The following N4BP2 variants were observed in gnomAD, a reference collection of about 807,000 sequenced individuals.
N4BP2 encodes the protein NEDD4-binding protein 2.
A neutral mutation model predicts 152.8 loss-of-function variants in N4BP2; 91 were observed. The ratio of observed to expected loss-of-function variants is 0.60; its 90% CI spans 0.50 to 0.71. N4BP2 has a LOEUF of 0.71. Among genes scored for constraint, N4BP2 ranks in the 30% least tolerant of loss-of-function variants. N4BP2 has a pLI of 0.00. For missense variants in N4BP2, 1,923 were observed against 2,059.1 expected (o/e 0.93, Z 1.28); for synonymous variants, 646 against 705.3 (o/e 0.92, Z 1.33).
chr4:40,071,610 A>G (rs1481484776), intron 1 of N4BP2, among the ~76,000 whole-genome samples: 2 of 152,176 alleles, frequency 1.3e-5, no homozygotes, highest in African/African-American at 4.8e-5. Context: ...CTTGTTGCCC[A>G]GGCTGGAGTG....
rs1304733313 is a variant in N4BP2 at position 40,097,285 on chromosome 4, T to C, written c.-56T>C. 2.0e-6 allele frequency: 3 copies of C among 1,468,272 alleles called. No homozygotes were observed. The highest frequency in any genetic ancestry group is 4.5e-5 in the East Asian group (2 of 43,968). The allele number at this position is 1,468,272 out of a possible 1,614,324, so 91.0% of individuals were successfully genotyped here. On this transcript the variant is annotated 5_prime_UTR_variant, in exon 3 of 18. It removes the in-frame stop codon of an upstream open reading frame in the 5' UTR. Coordinates refer to ENST00000261435, the MANE Select transcript of N4BP2 (RefSeq NM_018177.6). ...ACCCTATTTTGTTTGAATTATGACT[T>C]AAATGTCAAACATCTTAACTAAGAA...
chr4:40,092,645 CT>C (rs34819122), intron 2 of N4BP2, among the ~76,000 whole-genome samples: 77,424 of 120,212 alleles, frequency 0.64, 24,901 homozygotes, highest in Non-Finnish European at 0.74. Context: ...TTATTATTTC[CT>C]TTTTTTTTTT....
the N4BP2 span, among the ~76,000 whole-genome samples, chr4:40,188,538 A>G: frequency 0.013 from 2,049 of 152,066 alleles, 48 homozygotes; most frequent in African/African-American, 0.047. Flanking sequence ...TGAGCCCAGG[A>G]TTTTCCGACC....
At chr4:40,141,498 G>A (rs2110031646) in intron 14 of N4BP2, among the ~76,000 whole-genome samples, 1 of 151,636 alleles carries the variant, frequency 6.6e-6, no homozygotes, top group East Asian at 2.0e-4. Flanking sequence ...GGGCGGCCGG[G>A]CAGAGGCGCT....
At chr4:40,086,577 A>T (rs1007684601) in intron 2 of N4BP2, among the ~76,000 whole-genome samples, 1 of 151,878 alleles carries the variant, frequency 6.6e-6, no homozygotes, top group South Asian at 2.1e-4. Flanking sequence ...ACCTCAAGTA[A>T]TCCACCCGCC....
chr4:40,143,340 G>C (rs1023073788), intron 15 of N4BP2, among the ~76,000 whole-genome samples: 1 of 151,896 alleles, frequency 6.6e-6, no homozygotes, highest in African/African-American at 2.4e-5. Flanking sequence ...TTAAGATAAG[G>C]TCTTGCTCTG....
At chr4:40,093,008 G>A (rs1714760341) in intron 2 of N4BP2, among the ~76,000 whole-genome samples, 1 of 150,516 alleles carries the variant, frequency 6.6e-6, no homozygotes. Flanking sequence ...CAATGGCGCA[G>A]TTTCAGTTCA....
chr4:40,147,186 T>G (rs939934857), intron 16 of N4BP2, among the ~76,000 whole-genome samples: 2 of 150,590 alleles, frequency 1.3e-5, no homozygotes, highest in East Asian at 3.9e-4. Context: ...CATTTAACCC[T>G]GAGTGGACAC....
At chr4:40,163,468 T>C in the N4BP2 span, among the ~76,000 whole-genome samples, 7 of 152,226 alleles carry the variant, frequency 4.6e-5, no homozygotes, top group Admixed American at 4.6e-4. Flanking sequence ...TTGCCAGTGA[T>C]TAGTTGGAGG....
Position 40,102,255 on chromosome 4 carries a change from A to T in N4BP2, c.410A>T (p.Gln137Leu). 2 of 1,613,824 alleles carry T rather than the reference A, an allele frequency of 1.2e-6. No individual in the cohort carries two copies. Among genetic ancestry groups the T allele is most frequent in the Non-Finnish European group, 1.7e-6 (2 of 1,179,904 alleles). The part of the protein sequence containing the change: ...DSKMDSFLDM[Q>L]LTEDLDSLIQ... ...AAAATGGATTCATTTTTGGACATGCAGCTAACTGAAGACCTGGATTCCTTA... is the reference window on the plus strand; with the variant it reads ...AAAATGGATTCATTTTTGGACATGCTGCTAACTGAAGACCTGGATTCCTTA... The change falls in exon 4 of 18, where the codon CAG (glutamine) becomes CTG (leucine). Residue 137 changes from glutamine to leucine, a missense_variant. Transcript: ENST00000261435.
rs764979203 is a variant in N4BP2 at position 40,103,037 on chromosome 4, C to G, written c.1192C>G (p.Pro398Ala). The change falls in exon 4 of 18, where the codon CCA (proline) becomes GCA (alanine). Residue 398 changes from proline to alanine, a missense_variant. Transcript: ENST00000261435. ...AHWRSVNYTF[P>A]PSVISHTSPT... Reference sequence around the variant, plus strand: ...CTGGAGATCTGTCAACTACACATTTCCACCCTCAGTTATTTCTCACACTTC... The same window carrying G: ...CTGGAGATCTGTCAACTACACATTTGCACCCTCAGTTATTTCTCACACTTC... 2.5e-6 allele frequency: 4 copies of G among 1,614,140 alleles called. No homozygotes were observed. The South Asian group carries it at 4.4e-5, about 18-fold the overall frequency.
chr4:40,100,814 T>C (rs555510636), intron 3 of N4BP2, among the ~76,000 whole-genome samples: 1 of 152,380 alleles, frequency 6.6e-6, no homozygotes, highest in South Asian at 2.1e-4. Context: ...TTTCTTCATC[T>C]GTTTGCTAGG....
chr4:40,112,975 A>G (rs1042217075), intron 6 of N4BP2, among the ~76,000 whole-genome samples: 24 of 152,222 alleles, frequency 1.6e-4, no homozygotes, highest in Non-Finnish European at 3.2e-4. Flanking sequence ...AAGTGTTGGG[A>G]TTACAGGCGT....
At chr4:40,097,605 A>G (rs1715219901) in intron 3 of N4BP2, 36 bp downstream of exon 3, 3 of 1,258,660 alleles carry the variant, frequency 2.4e-6, no homozygotes, top group Admixed American at 1.7e-5. Context: ...TGTCCATCTT[A>G]TAAGAAGACT....
chr4:40,057,262 G>A (rs1171364194), intron 1 of N4BP2: 1 of 152,342 alleles, frequency 6.6e-6, no homozygotes, highest in African/African-American at 2.4e-5. Context: ...GCGGGCCCTG[G>A]CGCTCAGCCC....
chr4:40,095,144 C>T (rs753259182), intron 2 of N4BP2, among the ~76,000 whole-genome samples: 1 of 151,478 alleles, frequency 6.6e-6, no homozygotes, highest in Non-Finnish European at 1.5e-5. Context: ...AGTGTAATGG[C>T]GCTATCTTGG....
chr4:40,182,959 G>T, the N4BP2 span, among the ~76,000 whole-genome samples: 28 of 152,076 alleles, frequency 1.8e-4, no homozygotes, highest in Non-Finnish European at 3.7e-4. Flanking sequence ...TTACAGACAT[G>T]AGCCACCATG....
chr4:40,162,518 G>A (rs950982258), downstream of N4BP2, among the ~76,000 whole-genome samples: 4 of 152,062 alleles, frequency 2.6e-5, no homozygotes, highest in African/African-American at 7.2e-5. Flanking sequence ...TTGCTACACC[G>A]ATGATACTTG....
chr4:40,074,824 T>C (rs1372308938), intron 2 of N4BP2, among the ~76,000 whole-genome samples: 1 of 151,982 alleles, frequency 6.6e-6, no homozygotes, highest in Non-Finnish European at 1.5e-5. Flanking sequence ...CTGGCTAACA[T>C]GGCAAAACTC....
Sources: allele counts gnomAD v4.1 joint callset (sites outside exome capture counted in the v4.1 genomes callset), GRCh38; gene constraint gnomAD v4.1.1; transcripts MANE v1.5; gene names NCBI Gene and HGNC (gene_info 2026-07-23, HGNC 2026-07-21).